NOS1: variants seen among roughly 807,000 people sequenced by gnomAD.
NOS1 encodes nitric oxide synthase 1.
A neutral mutation model predicts 164.5 loss-of-function variants in NOS1; 51 were observed. That is an observed-to-expected ratio of 0.31 (90% CI 0.25 to 0.39). The LOEUF (loss-of-function observed/expected upper bound fraction) is 0.39, where lower values mean the gene tolerates loss of function less well. Among genes scored for constraint, NOS1 ranks in the 10% least tolerant of loss-of-function variants. The probability of loss-of-function intolerance (pLI) is 1.00; values close to 1 mark genes in which losing one functional copy is unlikely to be tolerated. For synonymous variants in NOS1, 719 were observed against 745.8 expected (o/e 0.96, Z 0.59); for missense variants, 1,362 against 1,885.6 (o/e 0.72, Z 5.14).
chr12:117,310,696 G>A (rs983893995), intron 3 of NOS1, among the ~76,000 whole-genome samples: 5 of 152,144 alleles, frequency 3.3e-5, no homozygotes, highest in Admixed American at 2.6e-4. Context: ...AGGCTAGAGT[G>A]CAGAGGTGCT....
intron 20 of NOS1, among the ~76,000 whole-genome samples, chr12:117,235,261 C>A (rs1056597228): frequency 6.6e-6 from 1 of 152,140 alleles, no homozygotes; most frequent in African/African-American, 2.4e-5. Context: ...CAGTGAACTC[C>A]TCACTGCAAA....
chr12:117,286,224 G>A lies in NOS1; in HGVS notation c.1170C>T (p.Asn390=), dbSNP rs1466338918. 1.9e-6 allele frequency: 3 copies of A among 1,614,190 alleles called. No individual in the cohort carries two copies. In the Admixed American group the frequency reaches 5.0e-5, roughly 27 times the overall value. ...AAGTGCTAGTGGTGTCGATCTCTTTGTTCACCTCTTCCAGCCTTTCCATGT... is the reference window on the plus strand; with the variant it reads ...AAGTGCTAGTGGTGTCGATCTCTTTATTCACCTCTTCCAGCCTTTCCATGT... ...KAHMERLEEV[N]KEIDTTSTYQ... is the part of the protein sequence containing the mutation. The change falls in exon 6 of 29, where the codon AAC becomes AAT. Residue 390 remains asparagine (N), a synonymous_variant. Coordinates refer to ENST00000317775, the MANE Select transcript of NOS1 (RefSeq NM_000620.5).
chr12:117,253,106 G>A (rs1187215993), intron 17 of NOS1, among the ~76,000 whole-genome samples: 2 of 152,174 alleles, frequency 1.3e-5, no homozygotes, highest in Non-Finnish European at 2.9e-5. Flanking sequence ...CTGACTGCAC[G>A]TTAGAGTCAA....
intron 7 of NOS1, among the ~76,000 whole-genome samples, chr12:117,284,592 C>G (rs1189491419): frequency 2.0e-5 from 3 of 152,088 alleles, no homozygotes; most frequent in Admixed American, 1.3e-4. Flanking sequence ...TCACCACCAG[C>G]AATAGGATTT....
At chr12:117,283,855 CAA>C (rs61448842) in intron 7 of NOS1, among the ~76,000 whole-genome samples, 11 of 63,720 alleles carry the variant, frequency 1.7e-4, no homozygotes, top group Non-Finnish European at 1.4e-4. Flanking sequence ...GACTCTGTCT[CAA>C]AAAAAAAAAA....
Position 117,356,772 on chromosome 12 carries a change from G to C in NOS1, c.-421+4740C>G, listed in dbSNP as rs189668532. 5.9e-5 allele frequency among the ~76,000 whole-genome samples: 9 copies of C among 152,334 alleles called. No individual in the cohort carries two copies. In the East Asian group the frequency reaches 1.7e-3, roughly 29 times the overall value. ...TAGAGACTTAGGGGCACTTTCTGTT[G>C]ACACGTCATTTTCATTTAAAAGATT... On this transcript the variant is annotated intron_variant, in intron 1 of 28. Coordinates refer to ENST00000317775, the MANE Select transcript of NOS1 (RefSeq NM_000620.5). The surrounding 1 kb of genome is among the most constrained non-coding windows in gnomAD (Gnocchi z 4.2).
chr12:117,334,405 C>A, intron 1 of NOS1, among the ~76,000 whole-genome samples: 1 of 148,384 alleles, frequency 6.7e-6, no homozygotes, highest in Non-Finnish European at 1.5e-5. Flanking sequence ...CAATTAGCTT[C>A]TTTTTTTTTT....
intron 15 of NOS1, 74 bp downstream of exon 15, chr12:117,258,952 A>C: frequency 1.0e-6 from 1 of 995,432 alleles, no homozygotes; most frequent in Non-Finnish European, 1.6e-6. Context: ...AGGTGTAGGA[A>C]GAGTCTCAAC....
intron 2 of NOS1, among the ~76,000 whole-genome samples, chr12:117,327,012 C>T (rs1222711145): frequency 1.3e-5 from 2 of 152,164 alleles, no homozygotes; most frequent in Admixed American, 6.5e-5. Context: ...GTCTCCACAT[C>T]GCATACAGAG....
At chr12:117,325,568 A>C (rs1379916708) in intron 2 of NOS1, among the ~76,000 whole-genome samples, 1 of 152,188 alleles carries the variant, frequency 6.6e-6, no homozygotes, top group African/African-American at 2.4e-5. Context: ...ACACATATAA[A>C]AGGCAAGCTT....
In NOS1 at chr12:117,222,856, G is replaced by A. The variant is rs778503068; in HGVS notation, c.3834C>T (p.Asn1278=). The A allele has an allele frequency of 3.7e-6, 6 of 1,613,464 alleles. No individual in the cohort carries two copies. The highest frequency in any genetic ancestry group is 5.1e-6 in the Non-Finnish European group (6 of 1,179,702). The stretch of plus-strand genomic sequence containing the variant: ...CGAAGACCAGGACCATGGGGCAGGG[G>A]TTCATTCCTGGGGACCAGGAAGACC... ...RQFDIQHKGM[N]PCPMVLVFGC... The change falls in exon 26 of 29, where the codon AAC becomes AAT. Residue 1278 remains asparagine, a synonymous_variant. Coordinates refer to ENST00000317775, the MANE Select transcript of NOS1 (RefSeq NM_000620.5).
In NOS1 at chr12:117,215,105, A is replaced by T; in HGVS notation, c.*204T>A. 1.6e-6 allele frequency: 2 copies of T among 1,268,552 alleles called. No individual in the cohort carries two copies. The highest frequency in any genetic ancestry group is 1.0e-6 in the Non-Finnish European group (1 of 1,001,016). 78.6% of individuals were successfully genotyped at this position (1,268,552 alleles called of 1,614,324 possible). A position where few individuals can be genotyped will look rare whatever the true frequency, so the allele number is the denominator to read the frequency against. The stretch of plus-strand genomic sequence containing the variant: ...AAGAGCCACTGCAGATTAGAAAAGC[A>T]TTGCATCGCAGCAGGAAAACTCAAG... On this transcript the variant is annotated 3_prime_UTR_variant, in exon 29 of 29. Coordinates refer to ENST00000317775, the MANE Select transcript of NOS1 (RefSeq NM_000620.5).
intron 17 of NOS1, among the ~76,000 whole-genome samples, chr12:117,252,529 A>G (rs1471321714): frequency 8.5e-5 from 13 of 152,202 alleles, no homozygotes; most frequent in Non-Finnish European, 8.8e-5. Context: ...GTTCAACACC[A>G]AGAGTGAACC....
chr12:117,248,507 C>T (rs939770957), intron 17 of NOS1, among the ~76,000 whole-genome samples: 25 of 151,724 alleles, frequency 1.6e-4, no homozygotes, highest in African/African-American at 4.9e-4. Flanking sequence ...TCATCCATGT[C>T]CCTACAAAGG....
chr12:117,312,349 G>A (rs1376271053), intron 2 of NOS1, among the ~76,000 whole-genome samples: 4 of 152,140 alleles, frequency 2.6e-5, no homozygotes, highest in East Asian at 1.9e-4. Context: ...GATTACAGGC[G>A]TGAGCCACCA....
At chr12:117,248,915 T>C (rs554742453) in intron 17 of NOS1, among the ~76,000 whole-genome samples, 3 of 152,316 alleles carry the variant, frequency 2.0e-5, no homozygotes, top group Non-Finnish European at 4.4e-5. Flanking sequence ...GGTATCTCAT[T>C]GTGGTTTTGA....
chr12:117,213,029 C>T lies in NOS1; in HGVS notation c.*2280G>A. ...GTTTTATAATCATTTCTTTGGACTC[C>T]TTGACAAAATGAGACAATGTTTCCA... On this transcript the variant is annotated 3_prime_UTR_variant, in exon 29 of 29. Transcript: ENST00000317775. 1.0e-6 allele frequency: 1 copy of T among 985,388 alleles called. No homozygotes were observed. Among genetic ancestry groups the T allele is most frequent in the Non-Finnish European group, 1.2e-6 (1 of 829,932 alleles). 61.0% of individuals were successfully genotyped at this position (985,388 alleles called of 1,614,324 possible).
chr12:117,268,549 T>C (rs1249397139), intron 10 of NOS1, among the ~76,000 whole-genome samples: 2 of 149,338 alleles, frequency 1.3e-5, no homozygotes, highest in Non-Finnish European at 3.0e-5. Context: ...TCTTAATTAA[T>C]TAATCAACTC....
chr12:117,335,125 C>G (rs1875743296), intron 1 of NOS1, among the ~76,000 whole-genome samples: 1 of 152,238 alleles, frequency 6.6e-6, no homozygotes, highest in South Asian at 2.1e-4. Flanking sequence ...AAAGTGGCTT[C>G]CTATTATTGT....
Sources: gnomAD v4.1 joint callset for allele counts (sites outside exome capture counted in the v4.1 genomes callset) on GRCh38, gnomAD v4.1.1 for gene constraint, Gnocchi (gnomAD v3.1) non-coding constraint, MANE v1.5 for transcripts, NCBI Gene and HGNC (gene_info 2026-07-23, HGNC 2026-07-21) for gene names.